The following TGM3 variants were observed in gnomAD, a reference collection of about 807,000 sequenced individuals.
The protein encoded by TGM3 is transglutaminase 3, also known as protein-glutamine gamma-glutamyltransferase E.
A neutral mutation model predicts 73.8 loss-of-function variants in TGM3; 52 were observed. That is an observed-to-expected ratio of 0.70 (90% CI 0.56 to 0.89). TGM3 has a LOEUF of 0.89. Among genes scored for constraint, TGM3 ranks in the 40% least tolerant of loss-of-function variants. TGM3 has a pLI of 0.00. For missense variants in TGM3, 928 were observed against 909.9 expected, an observed-to-expected ratio of 1.02 and a Z score of -0.26; for synonymous variants, 372 against 354.9, an observed-to-expected ratio of 1.05 and a Z score of -0.54.
intron 1 of TGM3, among the ~76,000 whole-genome samples, chr20:2,308,901 G>A (rs2084188600): frequency 6.8e-6 from 1 of 146,926 alleles, no homozygotes; most frequent in African/African-American, 2.6e-5. Context: ...TTTTGAGACA[G>A]AGTTTTGCTG....
At chr20:2,331,855 G>A (rs959375725) in intron 9 of TGM3, 147 bp from the exon 10 acceptor site, 26 of 906,536 alleles carry the variant, frequency 2.9e-5, no homozygotes, top group East Asian at 7.5e-5. Context: ...TAAGACAGGC[G>A]AGCTGGAGAC....
In TGM3 at chr20:2,320,255, A is replaced by T. The variant is rs1341143255; in HGVS notation, c.983+2770A>T. Among the ~76,000 whole-genome samples, 3 of 152,250 alleles carry T rather than the reference A, an allele frequency of 2.0e-5. No homozygotes were observed. In the South Asian group the frequency reaches 6.2e-4, roughly 31 times the overall value. Reference sequence around the variant, plus strand: ...TAGAATGTGAGAATCAAGGGAGATTAAGCATTAGAAGTGCTTAGTAATAGT... The same window carrying T: ...TAGAATGTGAGAATCAAGGGAGATTTAGCATTAGAAGTGCTTAGTAATAGT... On this transcript the variant is annotated intron_variant, in intron 7 of 12. Coordinates refer to ENST00000381458, the MANE Select transcript of TGM3 (RefSeq NM_003245.4).
At chr20:2,324,818 C>A (rs905789127) in intron 7 of TGM3, among the ~76,000 whole-genome samples, 2 of 152,208 alleles carry the variant, frequency 1.3e-5, no homozygotes, top group African/African-American at 4.8e-5. Context: ...GCTTCCTCTA[C>A]GTTCTGATTC....
Position 2,312,958 on chromosome 20 carries a change from C to G in TGM3, c.601C>G (p.Arg201Gly), listed in dbSNP as rs143880505. Reference sequence around the variant, plus strand: ...CTTGGATAGGAGTCTGAATTTCCGCCGTGACGCTGCTACTGATGTGGCCAG... The same window carrying G: ...CTTGGATAGGAGTCTGAATTTCCGCGGTGACGCTGCTACTGATGTGGCCAG... ...SILDRSLNFR[R>G]DAATDVASRN... The change falls in exon 5 of 13, where the codon CGT (arginine) becomes GGT (glycine). Residue 201 changes from arginine (R) to glycine (G), a missense_variant. Transcript: ENST00000381458. 6 of 1,614,174 alleles carry G rather than the reference C, an allele frequency of 3.7e-6. No individual in the cohort carries two copies. Among genetic ancestry groups the G allele is most frequent in the Non-Finnish European group, 5.1e-6 (6 of 1,180,014 alleles).
chr20:2,296,480 A>C (rs1343119486), intron 1 of TGM3, among the ~76,000 whole-genome samples: 1 of 152,138 alleles, frequency 6.6e-6, no homozygotes, highest in Non-Finnish European at 1.5e-5. Context: ...GTCAGCAAAG[A>C]AGCACATCTC....
At chr20:2,333,382 G>A (rs889541206) in intron 10 of TGM3, among the ~76,000 whole-genome samples, 1 of 152,020 alleles carries the variant, frequency 6.6e-6, no homozygotes, top group African/African-American at 2.4e-5. Flanking sequence ...TTGTTTGTTT[G>A]TTTGTTTTTG....
rs371372241 is a variant in TGM3 at position 2,296,056 on chromosome 20, G to C, written c.-8G>C. 41 of 1,551,364 alleles carry C rather than the reference G, an allele frequency of 2.6e-5. No homozygotes were observed. In the African/African-American group the frequency reaches 5.6e-4, roughly 21 times the overall value. ...AGGAGCCTGAGAAGAGGCAGAGGAA[G>C]GCGAAACATGGCTGGTGAGTGCATG... On this transcript the variant is annotated 5_prime_UTR_variant, in exon 1 of 13. Coordinates refer to ENST00000381458, the MANE Select transcript of TGM3 (RefSeq NM_003245.4).
Position 2,317,172 on chromosome 20 carries a change from A to C in TGM3, c.774A>C (p.Lys258Asn), listed in dbSNP as rs368285192. ...RSWNGSVEIL[K>N]NWKKSGFSPV... ...GGAACGGCAGCGTGGAGATCCTCAAAAATTGGAAAAAATCTGGCTTCAGCC... is the reference window on the plus strand; with the variant it reads ...GGAACGGCAGCGTGGAGATCCTCAACAATTGGAAAAAATCTGGCTTCAGCC... Residue 258 changes from lysine to asparagine, a missense_variant, in exon 6 of 13, where the codon AAA becomes AAC. Physicochemically the swap from Lys to Asn is moderately conservative, Grantham distance 94. Coordinates refer to ENST00000381458, the MANE Select transcript of TGM3 (RefSeq NM_003245.4). 27 of 1,613,944 alleles carry C rather than the reference A, an allele frequency of 1.7e-5. No individual in the cohort carries two copies. The African/African-American group carries it at 3.5e-4, about 21-fold the overall frequency.
Position 2,340,659 on chromosome 20 carries a change from A to G in TGM3, c.*78A>G. On this transcript the variant is annotated 3_prime_UTR_variant, in exon 13 of 13. Transcript: ENST00000381458. ...TCACCATGGAATGAACCCCCCGCCCATGCTGTCCGGCCTGGGAAACCCTCT... is the reference window on the plus strand; with the variant it reads ...TCACCATGGAATGAACCCCCCGCCCGTGCTGTCCGGCCTGGGAAACCCTCT... 1.9e-6 allele frequency: 3 copies of G among 1,585,970 alleles called. No homozygotes were observed. The highest frequency in any genetic ancestry group is 2.7e-5 in the African/African-American group (2 of 74,282).
At position 2,325,965 on chromosome 20, in the gene TGM3, G is replaced by C. The variant is rs759436174; in HGVS notation, c.1087+13G>C. 2 of 1,581,918 alleles carry C rather than the reference G, an allele frequency of 1.3e-6. No individual in the cohort carries two copies. Among genetic ancestry groups the C allele is most frequent in the African/African-American group, 2.7e-5 (2 of 74,236 alleles). Reference sequence around the variant, plus strand: ...GAAAGAAGCCAAGGTAACTTCTCTGGGTGTGGTTCTGAGTCGTGAGCCTCA... The same window carrying C: ...GAAAGAAGCCAAGGTAACTTCTCTGCGTGTGGTTCTGAGTCGTGAGCCTCA... On this transcript the variant is annotated intron_variant, in intron 8 of 12. Transcript: ENST00000381458.
At chr20:2,313,653 T>C (rs1050883784) in intron 5 of TGM3, among the ~76,000 whole-genome samples, 2 of 150,114 alleles carry the variant, frequency 1.3e-5, no homozygotes, top group African/African-American at 4.9e-5. Context: ...TCACACACAC[T>C]CTCTCTCTCT....
At chr20:2,318,578 T>C (rs745362094) in intron 7 of TGM3, among the ~76,000 whole-genome samples, 10 of 152,250 alleles carry the variant, frequency 6.6e-5, no homozygotes, top group African/African-American at 9.6e-5. Flanking sequence ...TCTATATCTG[T>C]AGATACACAG....
chr20:2,307,069 G>A (rs2084179997), intron 1 of TGM3, among the ~76,000 whole-genome samples: 1 of 152,062 alleles, frequency 6.6e-6, no homozygotes, highest in Admixed American at 6.5e-5. Context: ...ACAGACCCTT[G>A]TTGATTGCAC....
chr20:2,297,410 T>C (rs748727769), intron 1 of TGM3, among the ~76,000 whole-genome samples: 1 of 152,186 alleles, frequency 6.6e-6, no homozygotes, highest in Non-Finnish European at 1.5e-5. Context: ...TTGAAATGAA[T>C]GCGTTTTGAG....
chr20:2,334,824 A>C lies in TGM3; in HGVS notation c.1643-292A>C, dbSNP rs2076407. 0.55 allele frequency among the ~76,000 whole-genome samples: 83,077 copies of C among 152,070 alleles called. 23,465 individuals are homozygous for C. Among genetic ancestry groups the C allele is most frequent in the East Asian group, 0.69 (3,535 of 5,160 alleles). On this transcript the variant is annotated intron_variant, in intron 10 of 12. Coordinates refer to ENST00000381458, the MANE Select transcript of TGM3 (RefSeq NM_003245.4). This position sits in a 1 kb window ranked among gnomAD's most constrained non-coding sequence, Gnocchi z 4.0. ...TAAAAAAAAAGGACACTTGCCCTCC[A>C]ACATTTTTCGGAGTCGGGAGGAAGC...
intron 1 of TGM3, among the ~76,000 whole-genome samples, chr20:2,307,637 C>T (rs929823631): frequency 3.3e-5 from 5 of 152,120 alleles, no homozygotes; most frequent in Non-Finnish European, 4.4e-5. Context: ...ATCACTTATG[C>T]TTGTCTTATC....
intron 1 of TGM3, among the ~76,000 whole-genome samples, chr20:2,297,978 G>A (rs1220996180): frequency 1.3e-5 from 2 of 152,144 alleles, no homozygotes; most frequent in African/African-American, 4.8e-5. Flanking sequence ...GGACCAACAA[G>A]AGAAGGAGAT....
At chr20:2,315,006 G>T (rs1262852603) in intron 5 of TGM3, among the ~76,000 whole-genome samples, 1 of 152,184 alleles carries the variant, frequency 6.6e-6, no homozygotes, top group African/African-American at 2.4e-5. Flanking sequence ...AAGGAGTAAG[G>T]TGGGCCCAGG....
At chr20:2,329,319 C>T (rs2084306879) in intron 9 of TGM3, among the ~76,000 whole-genome samples, 1 of 152,150 alleles carries the variant, frequency 6.6e-6, no homozygotes, top group Non-Finnish European at 1.5e-5. Context: ...AAAAGGAAAG[C>T]TGAGCGCAGG....
Sources: gnomAD v4.1 joint callset for allele counts (sites outside exome capture counted in the v4.1 genomes callset) on GRCh38, gnomAD v4.1.1 for gene constraint, Gnocchi (gnomAD v3.1) non-coding constraint, MANE v1.5 for transcripts, NCBI Gene and HGNC (gene_info 2026-07-23, HGNC 2026-07-21) for gene names.